Variants in RTN4IP1 observed in about 807,000 individuals in gnomAD.
The protein encoded by RTN4IP1 is reticulon 4 interacting protein 1.
A neutral mutation model predicts 46.6 loss-of-function variants in RTN4IP1; 32 were observed. That is an observed-to-expected ratio of 0.69 (90% CI 0.52 to 0.92). The LOEUF is 0.92. RTN4IP1 is among the 40% of genes least tolerant of loss of function. RTN4IP1 has a pLI of 0.00. For synonymous variants in RTN4IP1, 167 were observed against 161.8 expected, an observed-to-expected ratio of 1.03 and a Z score of -0.24; for missense variants, 424 against 485.8, an observed-to-expected ratio of 0.87 and a Z score of 1.20.
At chr6:106,582,629 A>G (rs773732684) in intron 8 of RTN4IP1, among the ~76,000 whole-genome samples, 7 of 152,104 alleles carry the variant, frequency 4.6e-5, no homozygotes, top group Non-Finnish European at 8.8e-5. Flanking sequence ...AAATATCAGC[A>G]CCAGAATACC....
upstream of RTN4IP1, chr6:106,629,543 T>C (rs761353548): frequency 3.6e-5 from 40 of 1,105,770 alleles, no homozygotes; most frequent in Non-Finnish European, 5.0e-5. Context: ...CGGGCTGCAA[T>C]TCAACCAATC....
chr6:106,582,365 A>G (rs1186244217), intron 8 of RTN4IP1, among the ~76,000 whole-genome samples: 1 of 152,212 alleles, frequency 6.6e-6, no homozygotes, highest in Non-Finnish European at 1.5e-5. Flanking sequence ...GTCCCTGCCC[A>G]CTGCAAAGTG....
At chr6:106,577,195 G>T (rs1775249837) in intron 8 of RTN4IP1, among the ~76,000 whole-genome samples, 1 of 152,138 alleles carries the variant, frequency 6.6e-6, no homozygotes, top group South Asian at 2.1e-4. Context: ...AGCACTTTGG[G>T]AAGCCCAGGC....
chr6:106,628,672 A>G, intron 1 of RTN4IP1, 76 bp downstream of exon 1: 2 of 1,300,106 alleles, frequency 1.5e-6, no homozygotes, highest in African/African-American at 3.0e-5. Context: ...AAAGAAGCGT[A>G]GTCAATTTTT....
chr6:106,606,754 G>GA (rs1776086143), intron 4 of RTN4IP1, among the ~76,000 whole-genome samples: 1 of 151,834 alleles, frequency 6.6e-6, no homozygotes, highest in African/African-American at 2.4e-5. Context: ...TAAATAAATA[G>GA]AAAAGAACAC....
chr6:106,621,061 TG>T lies in RTN4IP1; in HGVS notation c.495+363del, dbSNP rs537134674. ...TCCTGACTGTATTTGATTAGACTCC[TG>T]TTTTTAAAGTTATTCAAAACCGCTG... On this transcript the variant is annotated intron_variant, in intron 3 of 8. Coordinates refer to ENST00000369063, the MANE Select transcript of RTN4IP1 (RefSeq NM_032730.5). Among the ~76,000 whole-genome samples the T allele has an allele frequency of 1.9e-3, 290 of 152,320 alleles. 2 individuals are homozygous for T. The highest frequency in any genetic ancestry group is 6.7e-3 in the African/African-American group (277 of 41,576).
rs1582850636 is a variant in RTN4IP1, at chr6:106,571,913, T to C, written c.*83A>G. 15 of 835,508 alleles carry C rather than the reference T, an allele frequency of 1.8e-5. No individual in the cohort carries two copies. The East Asian group carries it at 2.9e-4, about 16-fold the overall frequency. 51.8% of individuals were successfully genotyped at this position (835,508 alleles called of 1,614,324 possible). On this transcript the variant is annotated 3_prime_UTR_variant, in exon 9 of 9. Coordinates refer to ENST00000369063, the MANE Select transcript of RTN4IP1 (RefSeq NM_032730.5). ...GTATAATCTAATCTGGAAAAATGTTTGAAAGGGATGGCTAGAAAAAAATTT... is the reference window on the plus strand; with the variant it reads ...GTATAATCTAATCTGGAAAAATGTTCGAAAGGGATGGCTAGAAAAAAATTT...
intron 5 of RTN4IP1, among the ~76,000 whole-genome samples, chr6:106,595,496 CTTTCTT>C (rs1442941276): frequency 1.6e-4 from 18 of 110,028 alleles, no homozygotes; most frequent in African/African-American, 5.3e-4. Flanking sequence ...GGAATACTTT[CTTTCTT>C]TTTTTTTTTT....
At chr6:106,576,119 G>C (rs986633407) in intron 8 of RTN4IP1, among the ~76,000 whole-genome samples, 1 of 152,196 alleles carries the variant, frequency 6.6e-6, no homozygotes, top group African/African-American at 2.4e-5. Context: ...GGAAGAAGGG[G>C]ACTTAAACTC....
At chr6:106,629,778 T>C (rs1011741883), upstream of RTN4IP1, 39 of 1,549,256 alleles carry the variant, frequency 2.5e-5, no homozygotes, top group Non-Finnish European at 3.1e-5. Context: ...AAAGAGTCCC[T>C]GGGCCTTACC....
At chr6:106,630,187 G>GT (rs1776790834), upstream of RTN4IP1, among the ~76,000 whole-genome samples, 1 of 152,120 alleles carries the variant, frequency 6.6e-6, no homozygotes, top group African/African-American at 2.4e-5. Flanking sequence ...TTCCTAACCC[G>GT]TGTCTCCATG....
At chr6:106,593,229 C>T (rs144744756) in intron 5 of RTN4IP1, among the ~76,000 whole-genome samples, 1 of 152,084 alleles carries the variant, frequency 6.6e-6, no homozygotes, top group African/African-American at 2.4e-5. Context: ...AGTAAGAAAA[C>T]CTAAATAAAT....
At chr6:106,627,743 CTTTTTTTTTTT>C (rs759953237) in intron 1 of RTN4IP1, among the ~76,000 whole-genome samples, 5,754 of 52,930 alleles carry the variant, frequency 0.11, 374 homozygotes, top group East Asian at 0.28. Flanking sequence ...CATTTCAATG[CTTTTTTTTTTT>C]TTTTTTTTTT....
In RTN4IP1 at chr6:106,622,868, C is replaced by G. The variant is rs199549230; in HGVS notation, c.376G>C (p.Val126Leu). The change falls in exon 2 of 9, where the codon GTG (valine) becomes CTG (leucine). Residue 126 changes from valine to leucine, a missense_variant. Transcript: ENST00000369063. Reference sequence around the variant, plus strand: ...ACATCAAGCCCACATTCCATCACCACGCCAGAGACATCCCGACCCAGAGTC... The same window carrying G: ...ACATCAAGCCCACATTCCATCACCAGGCCAGAGACATCCCGACCCAGAGTC... ...PLTLGRDVSG[V>L]VMECGLDVKY... 4.3e-6 allele frequency: 7 copies of G among 1,614,122 alleles called. No homozygotes were observed. Among genetic ancestry groups the G allele is most frequent in the South Asian group, 1.1e-5 (1 of 91,074 alleles).
intron 1 of RTN4IP1, among the ~76,000 whole-genome samples, chr6:106,625,539 A>G (rs1219747043): frequency 6.6e-6 from 1 of 152,152 alleles, no homozygotes; most frequent in Non-Finnish European, 1.5e-5. Flanking sequence ...GACTGGAGAC[A>G]TGAGAAGACT....
At position 106,629,469 on chromosome 6, in the gene RTN4IP1, C is replaced by G. The variant is rs910351597; in HGVS notation, c.-448G>C. 12 of 657,222 alleles carry G rather than the reference C, an allele frequency of 1.8e-5. No individual in the cohort carries two copies. Among genetic ancestry groups the G allele is most frequent in the South Asian group, 4.0e-5 (2 of 50,272 alleles). The allele number at this position is 657,222 out of a possible 1,614,324, so 40.7% of individuals were successfully genotyped here. Reference sequence around the variant, plus strand: ...CTGGCCCGGAATCTCCTTGCCTGCCCGCTCTCCTTAGCCGCCGGGATGGCT... The same window carrying G: ...CTGGCCCGGAATCTCCTTGCCTGCCGGCTCTCCTTAGCCGCCGGGATGGCT... On this transcript the variant is annotated 5_prime_UTR_variant, in exon 1 of 9. Transcript: ENST00000369063.
intron 3 of RTN4IP1, among the ~76,000 whole-genome samples, chr6:106,620,491 G>A (rs548358320): frequency 2.6e-4 from 39 of 152,250 alleles, no homozygotes; most frequent in Admixed American, 1.0e-3. Flanking sequence ...AGATGTAGGT[G>A]CATTTTCTAC....
chr6:106,605,588 C>A (rs1415371561), intron 4 of RTN4IP1, among the ~76,000 whole-genome samples: 1 of 151,748 alleles, frequency 6.6e-6, no homozygotes, highest in African/African-American at 2.4e-5. Context: ...CCGAGGTGGG[C>A]AGATCACGAG....
At chr6:106,620,457 C>T (rs936525079) in intron 3 of RTN4IP1, among the ~76,000 whole-genome samples, 3 of 152,044 alleles carry the variant, frequency 2.0e-5, no homozygotes, top group African/African-American at 2.4e-5. Context: ...AGGCTATTAG[C>T]AGTTAAGTTT....
Sources: allele counts gnomAD v4.1 joint callset (sites outside exome capture counted in the v4.1 genomes callset), GRCh38; gene constraint gnomAD v4.1.1; transcripts MANE v1.5; gene names NCBI Gene and HGNC (gene_info 2026-07-23, HGNC 2026-07-21).